The following MGAM variants were observed in gnomAD, a reference collection of about 807,000 sequenced individuals.
MGAM encodes the protein maltase-glucoamylase, also known as alpha-1,4-glucosidase.
MGAM carries 253 observed loss-of-function variants against 358.8 expected under a neutral mutation model. That is an observed-to-expected ratio of 0.71 (90% CI 0.64 to 0.78). The LOEUF (loss-of-function observed/expected upper bound fraction) is 0.78. MGAM is among the 30% of genes least tolerant of loss of function. MGAM has a pLI of 0.00. For synonymous variants in MGAM, 1,105 were observed against 1,227.1 expected (o/e 0.90, Z 2.08); for missense variants, 3,080 against 3,432.6 (o/e 0.90, Z 2.57).
intron 23 of MGAM, 42 bp from the exon 24 acceptor site, chr7:142,050,655 C>G: frequency 6.4e-7 from 1 of 1,571,836 alleles, no homozygotes; most frequent in Non-Finnish European, 8.7e-7. Context: ...TCTGTGTATA[C>G]TCATATACCT....
intron 1 of MGAM, among the ~76,000 whole-genome samples, chr7:142,001,292 G>A (rs1326140548): frequency 3.9e-5 from 6 of 152,142 alleles, no homozygotes; most frequent in Admixed American, 3.9e-4. Context: ...AGGGCATTAC[G>A]TTGACTAACA....
chr7:142,088,984 G>GTATC (rs1264013494), intron 57 of MGAM, among the ~76,000 whole-genome samples: 3 of 90,152 alleles, frequency 3.3e-5, no homozygotes, highest in Non-Finnish European at 7.7e-5. Flanking sequence ...ATGTATGTAT[G>GTATC]TATGTATGTA....
chr7:142,048,091 G>A (rs1810559137), intron 22 of MGAM, among the ~76,000 whole-genome samples: 1 of 151,542 alleles, frequency 6.6e-6, no homozygotes, highest in Non-Finnish European at 1.5e-5. Context: ...TTCTCCTATT[G>A]GACAGTGATA....
intron 3 of MGAM, among the ~76,000 whole-genome samples, chr7:142,013,787 C>T (rs76316012): frequency 0.044 from 6,713 of 152,202 alleles, 313 homozygotes; most frequent in East Asian, 0.1. Flanking sequence ...TCTCTCTACC[C>T]ATTACACTGG....
rs1813055559 is a variant in MGAM, at chr7:142,068,631, T to A, written c.5005-16T>A. ...AAATGGTGGCACTGCCTCACCTTGT[T>A]TGTGTTTCATTTTAGAATGCCAGAA... On this transcript the variant is annotated splice_polypyrimidine_tract_variant and intron_variant, in intron 42 of 70. Transcript: ENST00000475668. 1 of 1,520,320 alleles carries A rather than the reference T, an allele frequency of 6.6e-7. No individual in the cohort carries two copies. Among genetic ancestry groups the A allele is most frequent in the South Asian group, 1.1e-5 (1 of 88,586 alleles). 94.2% of individuals were successfully genotyped at this position (1,520,320 alleles called of 1,614,324 possible).
intron 66 of MGAM, among the ~76,000 whole-genome samples, chr7:142,097,857 A>G (rs560841996): frequency 6.6e-6 from 1 of 150,606 alleles, no homozygotes; most frequent in African/African-American, 2.5e-5. Context: ...GAAATGACAC[A>G]TAAAGCATCT....
chr7:142,105,079 G>A (rs1816731735), intron 70 of MGAM, among the ~76,000 whole-genome samples: 1 of 152,028 alleles, frequency 6.6e-6, no homozygotes, highest in Non-Finnish European at 1.5e-5. Context: ...AGCTGATGAG[G>A]GCACATGCAG....
chr7:142,048,869 G>A lies in MGAM; in HGVS notation c.2587+996G>A, dbSNP rs190711680. On this transcript the variant is annotated intron_variant, in intron 22 of 70. Coordinates refer to ENST00000475668, the MANE Select transcript of MGAM (RefSeq NM_001365693.1). Reference sequence around the variant, plus strand: ...ATATATTCAAAGTGGACAATGTGAGGATTTAATATATATATAGGCATAGTA... The same window carrying A: ...ATATATTCAAAGTGGACAATGTGAGAATTTAATATATATATAGGCATAGTA... 6.9e-3 allele frequency among the ~76,000 whole-genome samples: 1,047 copies of A among 152,218 alleles called. 7 individuals carry two copies. Among genetic ancestry groups the A allele is most frequent in the Non-Finnish European group, 9.0e-3 (610 of 68,010 alleles).
chr7:142,069,011 G>A (rs1813094219), intron 43 of MGAM, among the ~76,000 whole-genome samples: 1 of 146,338 alleles, frequency 6.8e-6, no homozygotes, highest in Non-Finnish European at 1.5e-5. Context: ...TTGTGTAAAG[G>A]CAGATGCTAG....
At position 142,084,961 on chromosome 7, in the gene MGAM, A is replaced by G. The variant is rs1477798804; in HGVS notation, c.6507+317A>G. ...ATGTAGTCAAAATGTCCTTGGTTCC[A>G]TAAGAATAAATAATATCCACAGTTC... On this transcript the variant is annotated intron_variant, in intron 54 of 70. Transcript: ENST00000475668. Among the ~76,000 whole-genome samples the G allele has an allele frequency of 1.4e-5, 2 of 146,452 alleles. 1 individual carries two copies. Among genetic ancestry groups the G allele is most frequent in the Non-Finnish European group, 3.1e-5 (2 of 64,598 alleles).
Position 142,095,669 on chromosome 7 carries a change from G to T in MGAM, c.7563G>T (p.Lys2521Asn). The change falls in exon 64 of 71, where the codon AAG becomes AAT. Residue 2521 changes from lysine to asparagine, a missense_variant. Around this residue, in one of 5 missense-constraint regions of MGAM, gnomAD observed 932 missense variants for 1,198.2 expected, o/e 0.78. Coordinates refer to ENST00000475668, the MANE Select transcript of MGAM (RefSeq NM_001365693.1). The stretch of plus-strand genomic sequence containing the variant: ...CATATCTGTATACCTTGATGCATAA[G>T]GCCCACACGGAGGGCGTCACTGTTG... ...LLPYLYTLMH[K>N]AHTEGVTVVR... The T allele has an allele frequency of 6.2e-7, 1 of 1,613,956 alleles. No homozygotes were observed. Among genetic ancestry groups the T allele is most frequent in the Non-Finnish European group, 8.5e-7 (1 of 1,179,876 alleles).
In MGAM at chr7:142,074,019, A is replaced by G. The variant is rs559217998; in HGVS notation, c.5187-66A>G. The G allele has an allele frequency of 3.9e-5, 44 of 1,132,362 alleles. 1 individual carries two copies. In the African/African-American group the frequency reaches 6.1e-4, roughly 16 times the overall value. The allele number at this position is 1,132,362 out of a possible 1,614,324, so 70.1% of individuals were successfully genotyped here. A position where few individuals can be genotyped will look rare whatever the true frequency, so the allele number is the denominator to read the frequency against. On this transcript the variant is annotated intron_variant, in intron 44 of 70. Transcript: ENST00000475668. ...TTCCAGTTTGAAATTTGATGGAAAT[A>G]TTCTCAGCCCAGTTGGCAAAATTGT...
intron 10 of MGAM, 62 bp downstream of exon 10, chr7:142,027,797 CTG>C (rs1807112804): frequency 7.0e-7 from 1 of 1,423,644 alleles, no homozygotes; most frequent in Non-Finnish European, 9.3e-7. Flanking sequence ...AAAAGAAAAA[CTG>C]TTTATATTTT....
intron 21 of MGAM, among the ~76,000 whole-genome samples, chr7:142,045,263 A>G (rs1810017204): frequency 1.0e-5 from 1 of 99,672 alleles, no homozygotes; most frequent in African/African-American, 4.2e-5. Context: ...TATATAATAT[A>G]TATTATATAT....
intron 21 of MGAM, among the ~76,000 whole-genome samples, chr7:142,042,064 TAATATATAACATAC>T (rs1808839064): frequency 2.6e-5 from 2 of 75,804 alleles, no homozygotes; most frequent in African/African-American, 5.5e-5. Flanking sequence ...TATATACATA[TAATATATAACATAC>T]AATATATAAC....
chr7:142,042,031 T>TA lies in MGAM; in HGVS notation c.2498+1185_2498+1186insA, dbSNP rs1461880350. 1.5e-3 allele frequency among the ~76,000 whole-genome samples: 13 copies of TA among 8,912 alleles called. 1 individual carries two copies. Among genetic ancestry groups the TA allele is most frequent in the African/African-American group, 0.01 (13 of 1,250 alleles). The allele number at this position is 8,912 out of a possible 152,430, so 5.8% of individuals were successfully genotyped here. ...TATAATATAATATATATATATTATA[T>TA]TATATACATATAATATATAATATAT... On this transcript the variant is annotated intron_variant, in intron 21 of 70. Coordinates refer to ENST00000475668, the MANE Select transcript of MGAM (RefSeq NM_001365693.1).
chr7:142,087,587 G>C (rs1814878758), intron 57 of MGAM, among the ~76,000 whole-genome samples: 1 of 146,180 alleles, frequency 6.8e-6, no homozygotes, highest in Non-Finnish European at 1.5e-5. Context: ...CTTCAATAAT[G>C]CCTATTCTTT....
chr7:142,068,738 T>C lies in MGAM; in HGVS notation c.5061+35T>C, dbSNP rs565613925. ...TCTGAATGTTTATATAACACGGGAA[T>C]GTGGTAGAGAGTACAAAGGCTTTAG... On this transcript the variant is annotated intron_variant, in intron 43 of 70. Coordinates refer to ENST00000475668, the MANE Select transcript of MGAM (RefSeq NM_001365693.1). The C allele has an allele frequency of 1.3e-5, 18 of 1,427,916 alleles. 1 individual carries two copies. In the East Asian group the frequency reaches 3.9e-4, roughly 31 times the overall value. 88.5% of individuals were successfully genotyped at this position (1,427,916 alleles called of 1,614,324 possible).
At chr7:142,060,874 C>T (rs1477602468) in intron 34 of MGAM, among the ~76,000 whole-genome samples, 1 of 152,076 alleles carries the variant, frequency 6.6e-6, no homozygotes, top group African/African-American at 2.4e-5. Flanking sequence ...GAGTCCTGCC[C>T]CGAGCCCCAC....
Sources: gnomAD v4.1 joint callset for allele counts (sites outside exome capture counted in the v4.1 genomes callset) on GRCh38, gnomAD v4.1.1 for gene constraint, gnomAD v4.1.1 regional missense constraint, MANE v1.5 for transcripts, NCBI Gene and HGNC (gene_info 2026-07-23, HGNC 2026-07-21) for gene names.